MGST1: variants seen among roughly 807,000 people sequenced by gnomAD.
MGST1 encodes microsomal glutathione S-transferase 1, also known as glutathione S-transferase 12.
A neutral mutation model predicts 8.9 loss-of-function variants in MGST1; 5 were observed. That is an observed-to-expected ratio of 0.56 (90% CI 0.29 to 1.19). The LOEUF (loss-of-function observed/expected upper bound fraction) is 1.19, where lower values mean the gene tolerates loss of function less well. MGST1 is among the 50% of genes most tolerant of loss of function. MGST1 has a pLI of 0.08. For missense variants in MGST1, 182 were observed against 187.4 expected (o/e 0.97, Z 0.17); for synonymous variants, 54 against 67.8 (o/e 0.80, Z 1.00).
At chr12:16,494,812 T>C (rs147914383) in intron 4 of MGST1, among the ~76,000 whole-genome samples, 2,535 of 152,256 alleles carry the variant, frequency 0.017, 37 homozygotes, top group Non-Finnish European at 0.027. Context: ...AAAATCATCA[T>C]CAAAACAGAA....
intron 4 of MGST1, among the ~76,000 whole-genome samples, chr12:16,522,637 G>C (rs1216910614): frequency 6.6e-6 from 1 of 152,034 alleles, no homozygotes; most frequent in Non-Finnish European, 1.5e-5. Flanking sequence ...CCTTATCTCA[G>C]GTCTCATAAT....
chr12:16,464,082 T>C (rs1298829072), intron 4 of MGST1, among the ~76,000 whole-genome samples: 2 of 152,254 alleles, frequency 1.3e-5, no homozygotes, highest in Non-Finnish European at 1.5e-5. Context: ...TTGACTGTTA[T>C]ACTTCATCTG....
chr12:16,357,169 C>A (rs1939753510), intron 2 of MGST1, among the ~76,000 whole-genome samples: 1 of 152,158 alleles, frequency 6.6e-6, no homozygotes. Flanking sequence ...TGATTTATTG[C>A]TCCAAATGGG....
chr12:16,532,067 C>A (rs144505480), intron 4 of MGST1, among the ~76,000 whole-genome samples: 1 of 152,148 alleles, frequency 6.6e-6, no homozygotes, highest in East Asian at 1.9e-4. Flanking sequence ...TACTCATGTC[C>A]AGGAGGAAAC....
intron 1 of MGST1, among the ~76,000 whole-genome samples, chr12:16,351,507 C>T (rs1486566328): frequency 6.6e-6 from 1 of 151,900 alleles, no homozygotes; most frequent in African/African-American, 2.4e-5. Context: ...TATTTTTAGC[C>T]TAAGAAAACA....
chr12:16,558,404 C>A (rs1942270121), intron 4 of MGST1, among the ~76,000 whole-genome samples: 2 of 151,968 alleles, frequency 1.3e-5, no homozygotes, highest in African/African-American at 4.8e-5. Context: ...TGGTTACTGG[C>A]TGCTATTAGT....
At chr12:16,388,154 C>T (rs73064197) in intron 1 of MGST1, among the ~76,000 whole-genome samples, 1 of 150,144 alleles carries the variant, frequency 6.7e-6, no homozygotes, top group African/African-American at 2.4e-5. Context: ...AAAGTGATGA[C>T]AAAAACTGCA....
At chr12:16,415,523 A>C (rs555840295) in intron 1 of MGST1, among the ~76,000 whole-genome samples, 1 of 152,252 alleles carries the variant, frequency 6.6e-6, no homozygotes, top group Non-Finnish European at 1.5e-5. Flanking sequence ...AACCAGGATC[A>C]AGACCTTTGC....
intron 4 of MGST1, among the ~76,000 whole-genome samples, chr12:16,521,092 G>A (rs1043497146): frequency 6.6e-6 from 1 of 152,024 alleles, no homozygotes; most frequent in African/African-American, 2.4e-5. Context: ...ATTGATTACC[G>A]CTCTTTAGGT....
intron 4 of MGST1, among the ~76,000 whole-genome samples, chr12:16,473,081 G>A (rs1039713393): frequency 2.0e-5 from 3 of 152,122 alleles, no homozygotes; most frequent in African/African-American, 4.8e-5. Context: ...TCCATAATGC[G>A]ACTTGATAAC....
rs4149199 is a variant in MGST1 at position 16,360,731 on chromosome 12, C to A, written c.221+3032C>A. Reference sequence around the variant, plus strand: ...ACAGGAGAGACATTTAGAATATATTCCCTTTAAAGGTAGAGAATAACCCTT... The same window carrying A: ...ACAGGAGAGACATTTAGAATATATTACCTTTAAAGGTAGAGAATAACCCTT... On this transcript the variant is annotated intron_variant, in intron 3 of 3. Transcript: ENST00000396210. Among the ~76,000 whole-genome samples, 267 of 152,208 alleles carry A rather than the reference C, an allele frequency of 1.8e-3. 2 individuals are homozygous for A. The East Asian group carries it at 0.043, about 25-fold the overall frequency.
chr12:16,549,260 G>A (rs1483408711), intron 4 of MGST1: 1 of 151,996 alleles, frequency 6.6e-6, no homozygotes, highest in Non-Finnish European at 1.5e-5. Flanking sequence ...AGGCTCTAAG[G>A]CTAAAATAAT....
At chr12:16,456,910 C>CTCTA (rs2137119754) in intron 4 of MGST1, among the ~76,000 whole-genome samples, 1 of 152,044 alleles carries the variant, frequency 6.6e-6, no homozygotes, top group African/African-American at 2.4e-5. Flanking sequence ...AATGTTCACC[C>CTCTA]TCTAACCTGG....
chr12:16,376,087 G>A, intron 3 of MGST1: 1 of 1,276,348 alleles, frequency 7.8e-7, no homozygotes, highest in Non-Finnish European at 1.1e-6. Flanking sequence ...GTCTTTGAAG[G>A]ATATTAAAAA....
chr12:16,374,357 T>C (rs1018351386), intron 3 of MGST1, among the ~76,000 whole-genome samples: 10 of 152,154 alleles, frequency 6.6e-5, no homozygotes, highest in Non-Finnish European at 1.0e-4. Context: ...GTTTCTTTGA[T>C]GGATTTAAAT....
intron 3 of MGST1, among the ~76,000 whole-genome samples, chr12:16,358,214 G>A (rs1939815741): frequency 2.0e-5 from 3 of 152,090 alleles, no homozygotes; most frequent in East Asian, 1.9e-4. Context: ...GCCAAGATAC[G>A]ACTGGGGTAT....
At chr12:16,498,417 A>G (rs540076330) in intron 4 of MGST1, among the ~76,000 whole-genome samples, 18 of 152,274 alleles carry the variant, frequency 1.2e-4, no homozygotes, top group Admixed American at 3.3e-4. Flanking sequence ...AGAAACAGAA[A>G]ATTGAAAACA....
chr12:16,502,758 T>C (rs1459307843), intron 4 of MGST1, among the ~76,000 whole-genome samples: 1 of 152,178 alleles, frequency 6.6e-6, no homozygotes, highest in Non-Finnish European at 1.5e-5. Context: ...CTCCCACATA[T>C]GTTACACTAA....
chr12:16,417,528 TGA>T (rs1258740899), intron 1 of MGST1, among the ~76,000 whole-genome samples: 1 of 152,140 alleles, frequency 6.6e-6, no homozygotes, highest in Non-Finnish European at 1.5e-5. Context: ...CTCCAGGAGC[TGA>T]GAGAGCTATT....
Sources: gnomAD v4.1 joint callset for allele counts (sites outside exome capture counted in the v4.1 genomes callset) on GRCh38, gnomAD v4.1.1 for gene constraint, MANE v1.5 for transcripts, NCBI Gene and HGNC (gene_info 2026-07-23, HGNC 2026-07-21) for gene names.